SPOCK1: variants seen among roughly 807,000 people sequenced by gnomAD.
SPOCK1 encodes the protein SPARC (osteonectin), cwcv and kazal like domains proteoglycan 1.
Under a neutral mutation model 55.3 loss-of-function variants are expected in SPOCK1, and 23 were observed. The ratio of observed to expected loss-of-function variants is 0.42; its 90% CI spans 0.30 to 0.59. The LOEUF (loss-of-function observed/expected upper bound fraction) is 0.59, where lower values mean the gene tolerates loss of function less well. Among genes scored for constraint, SPOCK1 ranks in the 20% least tolerant of loss-of-function variants. The pLI, the probability that SPOCK1 is intolerant of heterozygous loss-of-function variation, is 0.22. For missense variants in SPOCK1, 499 were observed against 552.5 expected, an observed-to-expected ratio of 0.90 and a Z score of 0.97; for synonymous variants, 226 against 221.0, an observed-to-expected ratio of 1.02 and a Z score of -0.20.
Position 137,078,892 on chromosome 5 carries a change from C to A in SPOCK1, c.475-11063G>T, listed in dbSNP as rs1031617089. On this transcript the variant is annotated intron_variant, in intron 5 of 10. Coordinates refer to ENST00000394945, the MANE Select transcript of SPOCK1 (RefSeq NM_004598.4). ...GCTTACAACCATTCCTTGTATCCTG[C>A]TATCCTCAGACAAAAAGTAAAGACT... Among the ~76,000 whole-genome samples the A allele has an allele frequency of 5.3e-5, 8 of 152,200 alleles. 1 individual carries two copies. The highest frequency in any genetic ancestry group is 7.3e-5 in the Non-Finnish European group (5 of 68,044).
rs555857763 is a variant in SPOCK1, at chr5:137,146,763, G to A, written c.233-6069C>T. The stretch of plus-strand genomic sequence containing the variant: ...TGTAACCAGAGAAGAATGGCAGCTT[G>A]GAAAGCCTCCTCACAATTCTTTCCT... On this transcript the variant is annotated intron_variant, in intron 3 of 10. Coordinates refer to ENST00000394945, the MANE Select transcript of SPOCK1 (RefSeq NM_004598.4). Among the ~76,000 whole-genome samples, 14 of 152,338 alleles carry A rather than the reference G, an allele frequency of 9.2e-5. 2 individuals are homozygous for A. Among genetic ancestry groups the A allele is most frequent in the African/African-American group, 3.4e-4 (14 of 41,582 alleles).
chr5:137,117,989 G>T (rs1272094993), intron 4 of SPOCK1, among the ~76,000 whole-genome samples: 1 of 152,130 alleles, frequency 6.6e-6, no homozygotes, highest in Non-Finnish European at 1.5e-5. Flanking sequence ...AAATAAGCAA[G>T]AAATATTAAG....
chr5:137,314,456 G>A (rs541053689), intron 2 of SPOCK1, among the ~76,000 whole-genome samples: 3 of 152,128 alleles, frequency 2.0e-5, no homozygotes, highest in Non-Finnish European at 2.9e-5. Context: ...AACCTGTACT[G>A]CAACCCCAGT....
At chr5:137,149,695 A>T (rs184203365) in intron 3 of SPOCK1, among the ~76,000 whole-genome samples, 27 of 152,348 alleles carry the variant, frequency 1.8e-4, no homozygotes, top group African/African-American at 6.0e-4. Flanking sequence ...GGTGCTGATT[A>T]TTCTGACATT....
At chr5:137,449,912 A>AG (rs1561538921) in intron 2 of SPOCK1, among the ~76,000 whole-genome samples, 1 of 142,010 alleles carries the variant, frequency 7.0e-6, no homozygotes, top group Non-Finnish European at 1.5e-5. Flanking sequence ...AAAAAAAAAA[A>AG]AAAAAGAAAG....
chr5:137,034,389 C>T (rs531833005), intron 6 of SPOCK1, among the ~76,000 whole-genome samples: 1 of 152,294 alleles, frequency 6.6e-6, no homozygotes, highest in East Asian at 1.9e-4. Flanking sequence ...TCATAATACC[C>T]CTACAGTGAG....
At chr5:137,093,620 G>C (rs1328328215) in intron 5 of SPOCK1, among the ~76,000 whole-genome samples, 1 of 152,184 alleles carries the variant, frequency 6.6e-6, no homozygotes, top group Non-Finnish European at 1.5e-5. Context: ...CAGCTCTGTT[G>C]TGTGGTGGTC....
chr5:137,300,865 C>T (rs1757575649), intron 2 of SPOCK1, among the ~76,000 whole-genome samples: 1 of 152,192 alleles, frequency 6.6e-6, no homozygotes, highest in South Asian at 2.1e-4. Context: ...GTCACCCTCA[C>T]ACAGAAAGCC....
chr5:137,496,301 A>C (rs1754297991), intron 2 of SPOCK1, among the ~76,000 whole-genome samples: 1 of 152,226 alleles, frequency 6.6e-6, no homozygotes, highest in African/African-American at 2.4e-5. Flanking sequence ...AGATCTAAAA[A>C]TGTCACCACC....
chr5:137,438,286 T>G (rs1752906601), intron 2 of SPOCK1, among the ~76,000 whole-genome samples: 1 of 151,834 alleles, frequency 6.6e-6, no homozygotes, highest in African/African-American at 2.4e-5. Flanking sequence ...TGGGAGTAGA[T>G]GAGTTCAAGA....
intron 6 of SPOCK1, among the ~76,000 whole-genome samples, chr5:137,008,303 C>CACACACAA (rs1314183875): frequency 6.7e-6 from 1 of 149,404 alleles, no homozygotes. Flanking sequence ...AATACACACA[C>CACACACAA]ACACACACAC....
intron 2 of SPOCK1, among the ~76,000 whole-genome samples, chr5:137,323,561 A>C (rs185240788): frequency 1.3e-5 from 2 of 152,298 alleles, no homozygotes; most frequent in African/African-American, 4.8e-5. Context: ...AGAAGGGGAA[A>C]AAAAAAATAA....
intron 2 of SPOCK1, among the ~76,000 whole-genome samples, chr5:137,436,224 T>C (rs1196341455): frequency 6.6e-6 from 1 of 152,218 alleles, no homozygotes; most frequent in Non-Finnish European, 1.5e-5. Context: ...ATATTTTGTT[T>C]CTGTTGACTT....
At chr5:137,441,289 T>C (rs1409509511) in intron 2 of SPOCK1, among the ~76,000 whole-genome samples, 2 of 152,134 alleles carry the variant, frequency 1.3e-5, no homozygotes, top group African/African-American at 4.8e-5. Flanking sequence ...CAGAGAAAAA[T>C]CACCAGGGTA....
chr5:137,450,608 G>A (rs942670567), intron 2 of SPOCK1, among the ~76,000 whole-genome samples: 1 of 152,116 alleles, frequency 6.6e-6, no homozygotes, highest in Non-Finnish European at 1.5e-5. Flanking sequence ...TTAACAAGAG[G>A]CCTCATATTT....
chr5:137,192,249 A>AG (rs1346891475), intron 3 of SPOCK1, among the ~76,000 whole-genome samples: 2 of 150,928 alleles, frequency 1.3e-5, no homozygotes, highest in Non-Finnish European at 3.0e-5. Flanking sequence ...AAAAAAAAAA[A>AG]AAAAAAGAAA....
chr5:137,275,108 C>G (rs942470825), intron 2 of SPOCK1, among the ~76,000 whole-genome samples: 2 of 152,162 alleles, frequency 1.3e-5, no homozygotes, highest in Non-Finnish European at 2.9e-5. Flanking sequence ...ATGGAGGAAC[C>G]CTGAAAGGGT....
At chr5:137,152,284 G>A (rs967985351) in intron 3 of SPOCK1, among the ~76,000 whole-genome samples, 5 of 152,106 alleles carry the variant, frequency 3.3e-5, no homozygotes, top group African/African-American at 1.2e-4. Context: ...TAAATAATTC[G>A]CAGTTCCTGC....
chr5:137,125,552 T>C (rs1464216474), intron 4 of SPOCK1, among the ~76,000 whole-genome samples: 2 of 152,012 alleles, frequency 1.3e-5, no homozygotes, highest in Non-Finnish European at 2.9e-5. Context: ...GAGAGCTGGC[T>C]AGCTGTTCCC....
Sources: allele counts gnomAD v4.1 joint callset (sites outside exome capture counted in the v4.1 genomes callset), GRCh38; gene constraint gnomAD v4.1.1; transcripts MANE v1.5; gene names NCBI Gene and HGNC (gene_info 2026-07-23, HGNC 2026-07-21).